The following CCDC175 variants were observed in gnomAD, a reference collection of about 807,000 sequenced individuals.
CCDC175 encodes the protein coiled-coil domain containing 175.
CCDC175 carries 100 observed loss-of-function variants against 114.6 expected under a neutral mutation model. The observed-to-expected ratio is 0.87, with a 90% CI of 0.74 to 1.03. The LOEUF (loss-of-function observed/expected upper bound fraction) is 1.03, where lower values mean the gene tolerates loss of function less well. Ranked by LOEUF, CCDC175 falls within the 50% of genes least tolerant of loss-of-function variation. CCDC175 has a pLI of 0.00. For missense variants in CCDC175, 880 were observed against 917.8 expected, an observed-to-expected ratio of 0.96 and a Z score of 0.53; for synonymous variants, 306 against 308.7, an observed-to-expected ratio of 0.99 and a Z score of 0.09.
Position 59,531,550 on chromosome 14 carries a change from TAA to T in CCDC175, c.1762+220_1762+221del, listed in dbSNP as rs528164019. On this transcript the variant is annotated intron_variant, in intron 14 of 19. Coordinates refer to ENST00000537690, the MANE Select transcript of CCDC175 (RefSeq NM_001164399.2). ...AAAGGACTAAGTCTTAAATAGTTTT[TAA>T]AAGAGAAAAGGAAAATTTTGACAAT... Among the ~76,000 whole-genome samples the T allele has an allele frequency of 1.5e-3, 227 of 152,332 alleles. 2 individuals are homozygous for T. Among genetic ancestry groups the T allele is most frequent in the Non-Finnish European group, 1.6e-3 (112 of 68,026 alleles).
At position 59,551,466 on chromosome 14, in the gene CCDC175, T is replaced by C. The variant is rs760968806; in HGVS notation, c.954-30A>G. 8.9e-5 allele frequency: 103 copies of C among 1,162,874 alleles called. 2 individuals are homozygous for C. In the South Asian group the frequency reaches 1.5e-3, roughly 16 times the overall value. 72.0% of individuals were successfully genotyped at this position (1,162,874 alleles called of 1,614,324 possible). On this transcript the variant is annotated intron_variant, in intron 7 of 19. Transcript: ENST00000537690. ...GAACAAAGGAAGCCAAACAGATTCA[T>C]ATAAGAACATACTTTTGAATTCTAA...
At position 59,545,371 on chromosome 14, in the gene CCDC175, G is replaced by A. The variant is rs912631882; in HGVS notation, c.1036-72C>T. On this transcript the variant is annotated intron_variant, in intron 8 of 19. Coordinates refer to ENST00000537690, the MANE Select transcript of CCDC175 (RefSeq NM_001164399.2). ...CCTCTGAGGCCATCTGCATCAGGTG[G>A]CAACTCGGAGAGCACCTGGGATATT... The A allele has an allele frequency of 2.2e-6, 3 of 1,386,188 alleles. No individual in the cohort carries two copies. The South Asian group carries it at 4.1e-5, about 19-fold the overall frequency. 85.9% of individuals were successfully genotyped at this position (1,386,188 alleles called of 1,614,324 possible). A position where few individuals can be genotyped will look rare whatever the true frequency, so the allele number is the denominator to read the frequency against.
chr14:59,534,710 G>A (rs1457555487), intron 13 of CCDC175, among the ~76,000 whole-genome samples: 1 of 152,186 alleles, frequency 6.6e-6, no homozygotes, highest in Non-Finnish European at 1.5e-5. Flanking sequence ...AGGATGATGT[G>A]AAAAATCTGT....
intron 14 of CCDC175, among the ~76,000 whole-genome samples, chr14:59,528,152 C>T (rs1819824060): frequency 6.6e-6 from 1 of 152,010 alleles, no homozygotes; most frequent in Admixed American, 6.5e-5. Context: ...ATTATTTTCT[C>T]TCAAATTTTG....
At chr14:59,571,112 T>C (rs1301732743) in intron 3 of CCDC175, among the ~76,000 whole-genome samples, 1 of 100,802 alleles carries the variant, frequency 9.9e-6, no homozygotes, top group Admixed American at 1.1e-4. Context: ...TCTGGAGAAA[T>C]AAAGTTTGAC....
chr14:59,552,118 T>C (rs186956909), intron 7 of CCDC175, among the ~76,000 whole-genome samples: 1 of 152,054 alleles, frequency 6.6e-6, no homozygotes, highest in African/African-American at 2.4e-5. Flanking sequence ...TTGAAGAGAG[T>C]AGTGGTTCTC....
chr14:59,541,463 TG>T (rs1894783019), intron 10 of CCDC175, among the ~76,000 whole-genome samples: 2 of 152,292 alleles, frequency 1.3e-5, no homozygotes. Flanking sequence ...ATAAGTAAAA[TG>T]CTGCTTTATA....
At chr14:59,569,226 G>A (rs919685181) in intron 3 of CCDC175, among the ~76,000 whole-genome samples, 10 of 152,190 alleles carry the variant, frequency 6.6e-5, no homozygotes, top group African/African-American at 2.4e-4. Flanking sequence ...GAGAGAGCTA[G>A]GACATTTTTT....
chr14:59,538,187 T>C (rs1274165926), intron 12 of CCDC175, 33 bp from the exon 13 acceptor site: 1 of 1,513,638 alleles, frequency 6.6e-7, no homozygotes, highest in Non-Finnish European at 8.8e-7. Context: ...TTGTCATTTC[T>C]CTTGTAGTGA....
intron 13 of CCDC175, among the ~76,000 whole-genome samples, chr14:59,533,889 T>C (rs1340854587): frequency 6.6e-6 from 1 of 150,526 alleles, no homozygotes; most frequent in Admixed American, 6.7e-5. Context: ...CTTGGGAGGC[T>C]GAGGCAGGAG....
chr14:59,567,328 G>A (rs1419186828), intron 4 of CCDC175, among the ~76,000 whole-genome samples: 1 of 152,154 alleles, frequency 6.6e-6, no homozygotes, highest in Non-Finnish European at 1.5e-5. Context: ...TCCCAGCACA[G>A]GTGTTCTGAG....
At chr14:59,518,237 A>T (rs979377097) in intron 17 of CCDC175, among the ~76,000 whole-genome samples, 1 of 152,290 alleles carries the variant, frequency 6.6e-6, no homozygotes. Context: ...AACCTAGGCA[A>T]TACCATTCAG....
intron 7 of CCDC175, among the ~76,000 whole-genome samples, chr14:59,557,556 G>A (rs1293512942): frequency 2.7e-5 from 4 of 150,912 alleles, no homozygotes; most frequent in African/African-American, 9.8e-5. Context: ...CATGGCACAT[G>A]TATACATATG....
chr14:59,561,566 T>C (rs924478633), intron 6 of CCDC175, among the ~76,000 whole-genome samples: 1 of 152,226 alleles, frequency 6.6e-6, no homozygotes, highest in Non-Finnish European at 1.5e-5. Flanking sequence ...ATCATCTTCC[T>C]TTATCATCCC....
At chr14:59,537,788 C>CA (rs397972812) in intron 13 of CCDC175, among the ~76,000 whole-genome samples, 98 of 152,244 alleles carry the variant, frequency 6.4e-4, no homozygotes, top group Middle Eastern at 3.4e-3. Flanking sequence ...AGGCCATTGC[C>CA]AACAGTTCTA....
chr14:59,513,486 A>G (rs1384883350), intron 17 of CCDC175, among the ~76,000 whole-genome samples: 1 of 152,172 alleles, frequency 6.6e-6, no homozygotes, highest in Non-Finnish European at 1.5e-5. Context: ...TGCTTTTCCA[A>G]CTGTCTTAGC....
At chr14:59,536,351 C>T (rs1292220599) in intron 13 of CCDC175, among the ~76,000 whole-genome samples, 1 of 152,008 alleles carries the variant, frequency 6.6e-6, no homozygotes, top group Non-Finnish European at 1.5e-5. Context: ...AGCACACAGA[C>T]CATATCACGT....
intron 7 of CCDC175, among the ~76,000 whole-genome samples, chr14:59,554,293 A>G (rs555119870): frequency 2.0e-5 from 3 of 152,352 alleles, no homozygotes; most frequent in Non-Finnish European, 4.4e-5. Context: ...ATCAAACTAG[A>G]ACTCAGGATT....
chr14:59,524,623 T>C (rs1334113751), intron 16 of CCDC175, among the ~76,000 whole-genome samples: 1 of 152,082 alleles, frequency 6.6e-6, no homozygotes, highest in East Asian at 1.9e-4. Context: ...CTGGTGGGAG[T>C]GGCAATTGGT....
Sources: allele counts gnomAD v4.1 joint callset (sites outside exome capture counted in the v4.1 genomes callset), GRCh38; gene constraint gnomAD v4.1.1; transcripts MANE v1.5; gene names NCBI Gene and HGNC (gene_info 2026-07-23, HGNC 2026-07-21).